The following AUTS2 variants were observed in gnomAD, a reference collection of about 807,000 sequenced individuals.
AUTS2 encodes activator of transcription and developmental regulator AUTS2.
A neutral mutation model predicts 112.4 loss-of-function variants in AUTS2; 17 were observed. The ratio of observed to expected loss-of-function variants is 0.15; its 90% confidence interval spans 0.10 to 0.23. The LOEUF (loss-of-function observed/expected upper bound fraction) is 0.23, where lower values mean the gene tolerates loss of function less well. Among genes scored for constraint, AUTS2 ranks in the 10% least tolerant of loss-of-function variants. The probability of loss-of-function intolerance (pLI) is 1.00; values close to 1 mark genes in which losing one functional copy is unlikely to be tolerated. For synonymous variants in AUTS2, 751 were observed against 702.7 expected (o/e 1.07, Z -1.09); for missense variants, 1,510 against 1,701.6 (o/e 0.89, Z 1.98).
chr7:70,250,927 G>A (rs1303256830), intron 4 of AUTS2, among the ~76,000 whole-genome samples: 1 of 152,080 alleles, frequency 6.6e-6, no homozygotes, highest in Non-Finnish European at 1.5e-5. Flanking sequence ...TATTACCCAG[G>A]TGACAAAATT....
At chr7:70,186,811 C>T (rs565229192) in intron 4 of AUTS2, among the ~76,000 whole-genome samples, 176 of 152,296 alleles carry the variant, frequency 1.2e-3, no homozygotes, top group African/African-American at 3.8e-3. Context: ...TCAGGTGATC[C>T]ACCTGCCTCA....
intron 14 of AUTS2, chr7:70,781,360 G>A (rs1202091210): frequency 1.5e-5 from 4 of 270,018 alleles, no homozygotes; most frequent in Admixed American, 7.5e-5. Context: ...GGGAGACTCC[G>A]TCACAAAAAA....
intron 2 of AUTS2, among the ~76,000 whole-genome samples, chr7:69,914,608 T>G (rs1163732490): frequency 3.3e-5 from 5 of 151,772 alleles, no homozygotes; most frequent in Admixed American, 2.6e-4. Flanking sequence ...ATGGTAGAAT[T>G]GCTAGTGCAG....
intron 2 of AUTS2, among the ~76,000 whole-genome samples, chr7:69,974,672 C>T (rs1797985880): frequency 6.6e-6 from 1 of 152,110 alleles, no homozygotes; most frequent in Admixed American, 6.6e-5. Context: ...GTTTGGGTCT[C>T]AATGGATTGA....
Position 70,189,298 on chromosome 7 carries a change from G to A in AUTS2, c.660+54727G>A, listed in dbSNP as rs116483718. On this transcript the variant is annotated intron_variant, in intron 4 of 18. Transcript: ENST00000342771. ...AGATAGGAAACACCAGAGGAGGACA[G>A]CAAGGACTGTAGTTTTTTTTACTGT... Among the ~76,000 whole-genome samples, 457 of 152,348 alleles carry A rather than the reference G, an allele frequency of 3.0e-3. 3 individuals are homozygous for A. Among genetic ancestry groups the A allele is most frequent in the Admixed American group, 0.011 (171 of 15,304 alleles).
At chr7:70,337,272 C>A (rs906122840) in intron 4 of AUTS2, among the ~76,000 whole-genome samples, 1 of 152,192 alleles carries the variant, frequency 6.6e-6, no homozygotes, top group Non-Finnish European at 1.5e-5. Flanking sequence ...ATCTGCCTAA[C>A]AAGAACAAAG....
At chr7:69,881,066 A>G (rs1201914395) in intron 1 of AUTS2, among the ~76,000 whole-genome samples, 4 of 152,242 alleles carry the variant, frequency 2.6e-5, no homozygotes, top group African/African-American at 7.2e-5. Flanking sequence ...CTGTTCTTGT[A>G]CAAATGCATT....
intron 1 of AUTS2, among the ~76,000 whole-genome samples, chr7:69,816,170 C>T (rs1790753101): frequency 6.6e-6 from 1 of 152,224 alleles, no homozygotes; most frequent in Admixed American, 6.5e-5. Context: ...TGGGGGCAAG[C>T]TTTCCCCGTG....
At chr7:70,080,514 C>T (rs949425326) in intron 2 of AUTS2, among the ~76,000 whole-genome samples, 4 of 152,206 alleles carry the variant, frequency 2.6e-5, no homozygotes, top group East Asian at 1.9e-4. Context: ...TTGGAATTCA[C>T]AGTAAAGTTT....
intron 1 of AUTS2, among the ~76,000 whole-genome samples, chr7:69,828,879 A>G (rs1355938685): frequency 6.6e-6 from 1 of 152,216 alleles, no homozygotes; most frequent in Non-Finnish European, 1.5e-5. Flanking sequence ...CTCCTAAAAC[A>G]TAGTATAAGG....
intron 1 of AUTS2, among the ~76,000 whole-genome samples, chr7:69,847,983 AGTT>A (rs1792286025): frequency 6.6e-6 from 1 of 152,122 alleles, no homozygotes; most frequent in South Asian, 2.1e-4. Context: ...TTGGAGTAAC[AGTT>A]GTTGGTGGGA....
intron 4 of AUTS2, among the ~76,000 whole-genome samples, chr7:70,138,582 A>G (rs1806691669): frequency 6.6e-6 from 1 of 152,182 alleles, no homozygotes; most frequent in East Asian, 1.9e-4. Flanking sequence ...TGTAAACTCC[A>G]TAATTTCTCT....
chr7:69,614,776 G>A (rs934282066), intron 1 of AUTS2, among the ~76,000 whole-genome samples: 49 of 150,730 alleles, frequency 3.3e-4, no homozygotes, highest in Admixed American at 2.8e-3. Context: ...GAGCCACTGC[G>A]CCCATCTGAG....
At chr7:69,801,064 C>A (rs543647192) in intron 1 of AUTS2, among the ~76,000 whole-genome samples, 1 of 152,154 alleles carries the variant, frequency 6.6e-6, no homozygotes, top group South Asian at 2.1e-4. Context: ...TTACTGTTAT[C>A]CCCCTGGACT....
intron 5 of AUTS2, among the ~76,000 whole-genome samples, chr7:70,448,069 T>C (rs945661623): frequency 3.3e-5 from 5 of 152,304 alleles, no homozygotes; most frequent in African/African-American, 9.6e-5. Context: ...CCATATAGAA[T>C]AAAATGACTG....
chr7:70,530,141 A>T (rs1017075022), intron 5 of AUTS2, among the ~76,000 whole-genome samples: 1 of 152,122 alleles, frequency 6.6e-6, no homozygotes, highest in African/African-American at 2.4e-5. Flanking sequence ...GGGAGGGAAG[A>T]TTGGGAAGGG....
intron 1 of AUTS2, among the ~76,000 whole-genome samples, chr7:69,759,959 T>C (rs1788108069): frequency 6.6e-6 from 1 of 151,958 alleles, no homozygotes; most frequent in East Asian, 1.9e-4. Flanking sequence ...TCTTGCATTT[T>C]GTGTGATTTA....
chr7:70,649,705 T>C (rs1280738962), intron 5 of AUTS2, among the ~76,000 whole-genome samples: 4 of 152,024 alleles, frequency 2.6e-5, no homozygotes, highest in African/African-American at 7.2e-5. Flanking sequence ...ATTTTTTGTA[T>C]TTTTAGTAGA....
intron 3 of AUTS2, among the ~76,000 whole-genome samples, chr7:70,128,144 A>G (rs1212733072): frequency 2.6e-5 from 4 of 152,038 alleles, no homozygotes; most frequent in South Asian, 2.1e-4. Context: ...TCTGTGCCAC[A>G]TTTTCCTTTT....
Sources: allele counts gnomAD v4.1 joint callset (sites outside exome capture counted in the v4.1 genomes callset), GRCh38; gene constraint gnomAD v4.1.1; transcripts MANE v1.5; gene names NCBI Gene and HGNC (gene_info 2026-07-23, HGNC 2026-07-21).